PITHD1: variants seen among roughly 807,000 people sequenced by gnomAD.
PITHD1 encodes the protein PITH domain containing 1.
In PITHD1, 8 loss-of-function variants were observed where a neutral mutation model predicts 27.5. The observed-to-expected ratio is 0.29, with a 90% CI of 0.17 to 0.52. The LOEUF is 0.52. Among genes scored for constraint, PITHD1 ranks in the 20% least tolerant of loss-of-function variants. The probability of loss-of-function intolerance (pLI) is 0.96; values close to 1 mark genes in which losing one functional copy is unlikely to be tolerated. For synonymous variants in PITHD1, 118 were observed against 106.8 expected, an observed-to-expected ratio of 1.10 and a Z score of -0.64; for missense variants, 233 against 283.9, an observed-to-expected ratio of 0.82 and a Z score of 1.29.
In PITHD1 at chr1:23,783,618, A is replaced by AT. The variant is rs796542047; in HGVS notation, c.321-2047dup. On this transcript the variant is annotated intron_variant, in intron 3 of 5. Transcript: ENST00000246151. ...AGGTACACACCACCAGGCCTGGCTAATTTTTTTTTTATTTTTAGTAGAGAC... is the reference window on the plus strand; with the variant it reads ...AGGTACACACCACCAGGCCTGGCTAATTTTTTTTTTTATTTTTAGTAGAGAC... Among the ~76,000 whole-genome samples the AT allele has an allele frequency of 3.1e-4, 46 of 148,570 alleles. 1 individual carries two copies. In the South Asian group the frequency reaches 7.3e-3, roughly 24 times the overall value.
chr1:23,785,632 G>A, intron 3 of PITHD1, 43 bp from the exon 4 acceptor site: 1 of 1,280,504 alleles, frequency 7.8e-7, no homozygotes, highest in Non-Finnish European at 1.1e-6. Context: ...CCTGAAACGT[G>A]ATAATGCACA....
rs772527828 is a variant in PITHD1 at position 23,779,868 on chromosome 1, A to T, written c.247A>T (p.Thr83Ser). 1.3e-5 allele frequency: 21 copies of T among 1,612,406 alleles called. No homozygotes were observed. The South Asian group carries it at 2.3e-4, about 18-fold the overall frequency. ...TTCTCTTTTGCATTCTGGCAGATTT[A>T]CGGGCAATGTCAAGCTCAAAGGCAT... ...DEELLFNIPF[T>S]GNVKLKGIII... Residue 83 changes from threonine (T) to serine (S), a missense_variant, in exon 3 of 6, where the codon ACG becomes TCG. By Grantham distance (58) the Thr-to-Ser change is moderately conservative (BLOSUM62 1). Transcript: ENST00000246151.
chr1:23,778,922 G>A (rs1226571665), intron 1 of PITHD1, among the ~76,000 whole-genome samples: 1 of 152,232 alleles, frequency 6.6e-6, no homozygotes, highest in African/African-American at 2.4e-5. Context: ...AACGGGGACA[G>A]TTTTGTCAAG....
Position 23,787,597 on chromosome 1 carries a change from T to A in PITHD1, c.*221T>A. The A allele has an allele frequency of 5.7e-6, 2 of 350,366 alleles. No homozygotes were observed. Among genetic ancestry groups the A allele is most frequent in the Non-Finnish European group, 1.0e-5 (2 of 192,082 alleles). The allele number at this position is 350,366 out of a possible 1,614,324, so 21.7% of individuals were successfully genotyped here. A position where few individuals can be genotyped will look rare whatever the true frequency, so the allele number is the denominator to read the frequency against. On this transcript the variant is annotated 3_prime_UTR_variant, in exon 6 of 6. Coordinates refer to ENST00000246151, the MANE Select transcript of PITHD1 (RefSeq NM_020362.5). ...ACCATCGTGGTTCTCTAGGGCGCTGTGGAAATTGGGTCTTGGGCTGGGTGG... is the reference window on the plus strand; with the variant it reads ...ACCATCGTGGTTCTCTAGGGCGCTGAGGAAATTGGGTCTTGGGCTGGGTGG...
chr1:23,784,379 T>A (rs1267879594), intron 3 of PITHD1, among the ~76,000 whole-genome samples: 2 of 151,638 alleles, frequency 1.3e-5, no homozygotes, highest in Non-Finnish European at 2.9e-5. Context: ...TAGCTGGGAC[T>A]ACAGGCGCCT....
Position 23,778,700 on chromosome 1 carries a change from C to G in PITHD1, c.185C>G (p.Thr62Ser), listed in dbSNP as rs2148398314. Residue 62 changes from threonine to serine, a missense_variant, in exon 1 of 6, where the codon ACC becomes AGC. Transcript: ENST00000246151. ...RGVFKPWEER[T>S]DRSKFVESDA... ...GTCTTCAAGCCGTGGGAGGAGCGGA[C>G]CGACCGCTCCAAGGTGGGCCGCCTG... 1 of 1,298,868 alleles carries G rather than the reference C, an allele frequency of 7.7e-7. No homozygotes were observed. The highest frequency in any genetic ancestry group is 9.8e-7 in the Non-Finnish European group (1 of 1,024,868). The allele number at this position is 1,298,868 out of a possible 1,614,324, so 80.5% of individuals were successfully genotyped here. A position where few individuals can be genotyped will look rare whatever the true frequency, so the allele number is the denominator to read the frequency against.
intron 3 of PITHD1, among the ~76,000 whole-genome samples, chr1:23,780,907 T>A (rs1425940037): frequency 2.0e-5 from 3 of 150,210 alleles, no homozygotes; most frequent in African/African-American, 7.4e-5. Flanking sequence ...AAATAAAAAA[T>A]TCAAATCCTA....
chr1:23,782,193 C>T (rs10917425), intron 3 of PITHD1, among the ~76,000 whole-genome samples: 83,188 of 151,634 alleles, frequency 0.55, 22,895 homozygotes, highest in South Asian at 0.7. Context: ...CCGAGGCAGG[C>T]GGATTACCTG....
At chr1:23,783,226 T>C (rs1405051697) in intron 3 of PITHD1, among the ~76,000 whole-genome samples, 2 of 150,856 alleles carry the variant, frequency 1.3e-5, no homozygotes, top group African/African-American at 2.4e-5. Flanking sequence ...CTCGATCTCC[T>C]GACCTTGTGA....
intron 1 of PITHD1, among the ~76,000 whole-genome samples, 159 bp downstream of exon 1, chr1:23,778,872 T>C (rs1304025602): frequency 6.6e-6 from 1 of 152,178 alleles, no homozygotes. Flanking sequence ...AGCAGCGTTG[T>C]CTCCCCATTT....
Position 23,787,854 on chromosome 1 carries a change from T to C in PITHD1, c.*478T>C. 6.5e-6 allele frequency: 1 copy of C among 152,948 alleles called. No individual in the cohort carries two copies. Among genetic ancestry groups the C allele is most frequent in the African/African-American group, 2.4e-5 (1 of 41,598 alleles). 9.5% of individuals were successfully genotyped at this position (152,948 alleles called of 1,614,324 possible). On this transcript the variant is annotated 3_prime_UTR_variant, in exon 6 of 6. Coordinates refer to ENST00000246151, the MANE Select transcript of PITHD1 (RefSeq NM_020362.5). The stretch of plus-strand genomic sequence containing the variant: ...TAAAACACTTGTTCCTGCTTGCTCC[T>C]TTCCCCTCTCATTGTTCAGCATTCT...
At chr1:23,778,818 A>G in intron 1 of PITHD1, 105 bp downstream of exon 1, 2 of 704,656 alleles carry the variant, frequency 2.8e-6, no homozygotes, top group Non-Finnish European at 4.0e-6. Context: ...CCTGGTTGCC[A>G]AGCGCTTTTC....
chr1:23,783,749 C>G (rs1490384728), intron 3 of PITHD1, among the ~76,000 whole-genome samples: 1 of 152,152 alleles, frequency 6.6e-6, no homozygotes, highest in Non-Finnish European at 1.5e-5. Flanking sequence ...GCCACCACGC[C>G]TGGCCCATAC....
chr1:23,787,262 A>G lies in PITHD1; in HGVS notation c.535-13A>G. ...TTTAATGGCTGGCTGACCCAGCCTC[A>G]ATTTTCTTGCAGCTTCGCCGACACG... On this transcript the variant is annotated splice_polypyrimidine_tract_variant and intron_variant, in intron 5 of 5. Coordinates refer to ENST00000246151, the MANE Select transcript of PITHD1 (RefSeq NM_020362.5). The G allele has an allele frequency of 1.9e-6, 3 of 1,607,428 alleles. No homozygotes were observed. The highest frequency in any genetic ancestry group is 1.7e-6 in the Non-Finnish European group (2 of 1,174,054).
At chr1:23,784,340 A>AAG (rs1381352605) in intron 3 of PITHD1, among the ~76,000 whole-genome samples, 2 of 139,244 alleles carry the variant, frequency 1.4e-5, no homozygotes, top group African/African-American at 5.4e-5. Flanking sequence ...TCCCAGGTTC[A>AAG]TGCCATTCTC....
At chr1:23,783,009 A>G (rs764948091) in intron 3 of PITHD1, among the ~76,000 whole-genome samples, 1 of 151,492 alleles carries the variant, frequency 6.6e-6, no homozygotes, top group Non-Finnish European at 1.5e-5. Flanking sequence ...ATTTTATTTT[A>G]TTTTTGAGAC....
At chr1:23,778,854 G>T in intron 1 of PITHD1, 141 bp downstream of exon 1, 4 of 462,126 alleles carry the variant, frequency 8.7e-6, no homozygotes, top group Non-Finnish European at 1.4e-5. Flanking sequence ...CCAGCTCTTT[G>T]GGAGGCGAGC....
At chr1:23,786,505 A>C (rs1261656084) in intron 5 of PITHD1, 82 bp downstream of exon 5, 2 of 533,118 alleles carry the variant, frequency 3.8e-6, no homozygotes, top group South Asian at 3.6e-5. Context: ...GGAAGGGAAA[A>C]GAGCAAGTGT....
chr1:23,778,444 C>A lies in PITHD1; in HGVS notation c.-72C>A. On this transcript the variant is annotated 5_prime_UTR_variant, in exon 1 of 6. It adds an upstream start codon to the 5' untranslated region. Coordinates refer to ENST00000246151, the MANE Select transcript of PITHD1 (RefSeq NM_020362.5). ...GTTGCCGGAGCTGAACGGCGCGGAG[C>A]TGGTCTGAGGCGAGCCGAGCCGAGC... 1 of 1,077,386 alleles carries A rather than the reference C, an allele frequency of 9.3e-7. No homozygotes were observed. Among genetic ancestry groups the A allele is most frequent in the Non-Finnish European group, 1.2e-6 (1 of 841,358 alleles). The allele number at this position is 1,077,386 out of a possible 1,614,324, so 66.7% of individuals were successfully genotyped here. A position where few individuals can be genotyped will look rare whatever the true frequency, so the allele number is the denominator to read the frequency against.
Sources: gnomAD v4.1 joint callset for allele counts (sites outside exome capture counted in the v4.1 genomes callset) on GRCh38, gnomAD v4.1.1 for gene constraint, MANE v1.5 for transcripts, NCBI Gene and HGNC (gene_info 2026-07-23, HGNC 2026-07-21) for gene names.